The following CAPZB variants were observed in gnomAD, a reference collection of about 807,000 sequenced individuals.
CAPZB encodes capping actin protein of muscle Z-line subunit beta.
In CAPZB, 2 loss-of-function variants were observed where a neutral mutation model predicts 38.1. The observed-to-expected ratio is 0.05, with a 90% CI of 0.02 to 0.17. The LOEUF (loss-of-function observed/expected upper bound fraction) is 0.17, where lower values mean the gene tolerates loss of function less well. Among genes scored for constraint, CAPZB ranks in the 10% least tolerant of loss-of-function variants. The pLI is 1.00. For synonymous variants in CAPZB, 107 were observed against 127.4 expected, an observed-to-expected ratio of 0.84 and a Z score of 1.08; for missense variants, 161 against 334.2, an observed-to-expected ratio of 0.48 and a Z score of 4.04.
At chr1:19,481,163 G>A (rs577897941) in intron 1 of CAPZB, among the ~76,000 whole-genome samples, 38 of 152,292 alleles carry the variant, frequency 2.5e-4, no homozygotes, top group African/African-American at 4.8e-5. Context: ...GGTGAGGACC[G>A]TTCTAACAGA....
chr1:19,351,738 G>A (rs2093992556), intron 6 of CAPZB, among the ~76,000 whole-genome samples: 1 of 152,124 alleles, frequency 6.6e-6, no homozygotes, highest in Non-Finnish European at 1.5e-5. Context: ...CTCTCTGCTG[G>A]CTCAATTTCA....
intron 1 of CAPZB, among the ~76,000 whole-genome samples, chr1:19,460,755 G>A (rs1372591485): frequency 6.6e-6 from 1 of 151,870 alleles, no homozygotes; most frequent in Non-Finnish European, 1.5e-5. Context: ...TCGGGGTCTT[G>A]GCACACATTC....
intron 1 of CAPZB, among the ~76,000 whole-genome samples, chr1:19,464,397 T>C (rs2094562330): frequency 6.8e-6 from 1 of 146,286 alleles, no homozygotes; most frequent in Admixed American, 7.0e-5. Context: ...GTTCACGCCA[T>C]TCTCCTGCCT....
At chr1:19,366,217 T>TG (rs1035785813) in intron 4 of CAPZB, among the ~76,000 whole-genome samples, 5 of 146,098 alleles carry the variant, frequency 3.4e-5, no homozygotes, top group Non-Finnish European at 3.0e-5. Flanking sequence ...GAGGCCAAGG[T>TG]GGGGGGATCA....
chr1:19,442,049 G>C (rs1287393502), intron 1 of CAPZB, among the ~76,000 whole-genome samples: 1 of 146,448 alleles, frequency 6.8e-6, no homozygotes, highest in Non-Finnish European at 1.5e-5. Context: ...GGTATCCACA[G>C]CCCTTAAAAA....
At chr1:19,477,600 C>T (rs942839910) in intron 1 of CAPZB, among the ~76,000 whole-genome samples, 14 of 152,324 alleles carry the variant, frequency 9.2e-5, no homozygotes, top group South Asian at 2.1e-4. Context: ...CAAAGCCTCA[C>T]GACGGAGAAG....
chr1:19,410,946 C>T (rs1442791489), intron 2 of CAPZB, among the ~76,000 whole-genome samples: 1 of 152,182 alleles, frequency 6.6e-6, no homozygotes, highest in South Asian at 2.1e-4. Flanking sequence ...CTCCCACTCA[C>T]TTCACAGAAT....
At chr1:19,379,389 G>C (rs1458922576) in intron 3 of CAPZB, among the ~76,000 whole-genome samples, 1 of 152,110 alleles carries the variant, frequency 6.6e-6, no homozygotes, top group South Asian at 2.1e-4. Context: ...GTGAGCCACC[G>C]CGCCTGGCCA....
intron 1 of CAPZB, among the ~76,000 whole-genome samples, chr1:19,427,292 C>G (rs2094426400): frequency 1.3e-5 from 2 of 152,198 alleles, no homozygotes; most frequent in African/African-American, 4.8e-5. Flanking sequence ...TGTACATAAA[C>G]AACCAACCAA....
intron 4 of CAPZB, among the ~76,000 whole-genome samples, chr1:19,371,011 T>C (rs1466492993): frequency 6.6e-6 from 1 of 152,162 alleles, no homozygotes; most frequent in African/African-American, 2.4e-5. Flanking sequence ...CCTGGGCACA[T>C]GACACCATCC....
intron 8 of CAPZB, among the ~76,000 whole-genome samples, chr1:19,340,226 T>G (rs1302848436): frequency 6.6e-6 from 1 of 152,212 alleles, no homozygotes; most frequent in Non-Finnish European, 1.5e-5. Flanking sequence ...CTGAGCACAC[T>G]GTGTTTATGG....
chr1:19,378,489 T>G (rs367898717), intron 4 of CAPZB, 51 bp downstream of exon 4: 1 of 1,021,478 alleles, frequency 9.8e-7, no homozygotes, highest in Non-Finnish European at 1.6e-6. Flanking sequence ...ACTTAGGATT[T>G]ACCTCTCAAA....
chr1:19,478,928 G>GGCCA (rs1286944051), intron 1 of CAPZB, among the ~76,000 whole-genome samples: 6 of 152,174 alleles, frequency 3.9e-5, no homozygotes, highest in African/African-American at 1.4e-4. Context: ...ACTAGCTCCT[G>GGCCA]GCCAAGTACA....
intron 4 of CAPZB, among the ~76,000 whole-genome samples, chr1:19,377,559 T>C (rs2094150281): frequency 6.6e-6 from 1 of 152,210 alleles, no homozygotes; most frequent in South Asian, 2.1e-4. Flanking sequence ...ATTTTACATT[T>C]TAAAGGTTCA....
At chr1:19,417,169 AAGAG>A (rs1314457229) in intron 2 of CAPZB, among the ~76,000 whole-genome samples, 2 of 152,196 alleles carry the variant, frequency 1.3e-5, no homozygotes, top group East Asian at 1.9e-4. Context: ...ACATCCCTGA[AAGAG>A]AGAGTGATGA....
At chr1:19,392,528 T>TAAAAAAAAA (rs58626568) in intron 2 of CAPZB, among the ~76,000 whole-genome samples, 1 of 129,458 alleles carries the variant, frequency 7.7e-6, no homozygotes, top group Non-Finnish European at 1.6e-5. Flanking sequence ...TCTTAAGAAT[T>TAAAAAAAAA]AAAAAAAAAA....
At chr1:19,388,962 G>A (rs185840825) in intron 2 of CAPZB, among the ~76,000 whole-genome samples, 13 of 152,262 alleles carry the variant, frequency 8.5e-5, no homozygotes, top group Admixed American at 6.5e-4. Context: ...TATGGCCAAC[G>A]GACTCCACCC....
At chr1:19,406,341 TGGG>T (rs1204393236) in intron 2 of CAPZB, among the ~76,000 whole-genome samples, 1 of 152,100 alleles carries the variant, frequency 6.6e-6, no homozygotes, top group East Asian at 1.9e-4. Flanking sequence ...GCTGGGATGT[TGGG>T]GTCTTGTGCT....
At chr1:19,406,020 C>A (rs932390430) in intron 2 of CAPZB, among the ~76,000 whole-genome samples, 1 of 152,178 alleles carries the variant, frequency 6.6e-6, no homozygotes, top group Non-Finnish European at 1.5e-5. Context: ...CTTGGCAAGG[C>A]CTCTCTCAGG....
Sources: allele counts gnomAD v4.1 joint callset (sites outside exome capture counted in the v4.1 genomes callset), GRCh38; gene constraint gnomAD v4.1.1; transcripts MANE v1.5; gene names NCBI Gene and HGNC (gene_info 2026-07-23, HGNC 2026-07-21).